Variants in TTL observed in about 807,000 individuals in gnomAD.
TTL encodes the protein tubulin tyrosine ligase.
Under a neutral mutation model 41.1 loss-of-function variants are expected in TTL, and 10 were observed. The observed-to-expected ratio is 0.24, with a 90% CI of 0.15 to 0.41. The LOEUF is 0.41. TTL is among the 10% of genes least tolerant of loss of function. The pLI is 1.00. For synonymous variants in TTL, 175 were observed against 175.5 expected (o/e 1.00, Z 0.02); for missense variants, 367 against 460.4 (o/e 0.80, Z 1.86).
intron 3 of TTL, among the ~76,000 whole-genome samples, chr2:112,497,827 C>G (rs1036389368): frequency 3.3e-5 from 5 of 152,126 alleles, no homozygotes; most frequent in African/African-American, 1.2e-4. Context: ...AGCTATAAAT[C>G]TAAAGCATAG....
rs1489267454 is a variant in TTL at position 112,539,938 on chromosome 2, A to G, written c.*11143A>G. 1 of 152,270 alleles carries G rather than the reference A, an allele frequency of 6.6e-6. No homozygotes were observed. Among genetic ancestry groups the G allele is most frequent in the African/African-American group, 2.4e-5 (1 of 41,476 alleles). 9.4% of individuals were successfully genotyped at this position (152,270 alleles called of 1,614,324 possible). A position where few individuals can be genotyped will look rare whatever the true frequency, so the allele number is the denominator to read the frequency against. On this transcript the variant is annotated 3_prime_UTR_variant, in exon 7 of 7. Transcript: ENST00000233336. The stretch of plus-strand genomic sequence containing the variant: ...ATATCAACACCAAAAAGAATGAAAT[A>G]CTTAGGAATAAATTTAACAAAAGTT...
At chr2:112,522,260 C>T (rs1489666207) in intron 6 of TTL, 1 of 152,590 alleles carries the variant, frequency 6.6e-6, no homozygotes, top group East Asian at 1.9e-4. Flanking sequence ...GTCTTCTATT[C>T]CTCTGTTCCC....
chr2:112,526,873 T>A (rs1249922878), intron 6 of TTL, among the ~76,000 whole-genome samples: 3 of 152,240 alleles, frequency 2.0e-5, no homozygotes, highest in African/African-American at 7.2e-5. Context: ...CTTTTAATTG[T>A]GAAGTTAGGG....
rs938153803 is a variant in TTL at position 112,534,654 on chromosome 2, A to C, written c.*5859A>C. The C allele has an allele frequency of 1.3e-5, 2 of 152,248 alleles. No homozygotes were observed. The highest frequency in any genetic ancestry group is 4.8e-5 in the African/African-American group (2 of 41,466). 9.4% of individuals were successfully genotyped at this position (152,248 alleles called of 1,614,324 possible). A position where few individuals can be genotyped will look rare whatever the true frequency, so the allele number is the denominator to read the frequency against. On this transcript the variant is annotated 3_prime_UTR_variant, in exon 7 of 7. Transcript: ENST00000233336. ...TTTTCCCTGGGTGCATTTGTCAAAA[A>C]AAATCAACAGCAATTGTTGAACATC...
intron 2 of TTL, among the ~76,000 whole-genome samples, chr2:112,489,927 A>G (rs1681335058): frequency 6.6e-6 from 1 of 152,228 alleles, no homozygotes. Flanking sequence ...TTTTATTTTC[A>G]AGAAAATCTG....
chr2:112,496,721 T>C (rs1681541456), intron 3 of TTL, among the ~76,000 whole-genome samples: 1 of 148,922 alleles, frequency 6.7e-6, no homozygotes, highest in African/African-American at 2.5e-5. Context: ...TTTTTTTTTT[T>C]TTTTGAGACA....
rs1401902141 is a variant in TTL at position 112,482,859 on chromosome 2, GGGCGCGGCTCC to G, written c.157+360_157+370del. Among the ~76,000 whole-genome samples the G allele has an allele frequency of 6.6e-6, 1 of 152,142 alleles. No homozygotes were observed. The highest frequency in any genetic ancestry group is 1.5e-5 in the Non-Finnish European group (1 of 68,024). The stretch of plus-strand genomic sequence containing the variant: ...CCAGATTTGGCGGGTCCGCCGCGCT[GGGCGCGGCTCC>G]GCAGAGCGGGCGGCTGGAGTCATCT... On this transcript the variant is annotated intron_variant, in intron 1 of 6. Transcript: ENST00000233336. This position sits in a 1 kb window ranked among gnomAD's most constrained non-coding sequence, Gnocchi z 5.3.
chr2:112,488,545 G>A (rs907340633), intron 2 of TTL, among the ~76,000 whole-genome samples: 8 of 149,320 alleles, frequency 5.4e-5, no homozygotes, highest in Non-Finnish European at 1.0e-4. Context: ...ATCACTTAGG[G>A]TCAGGAGTTC....
intron 3 of TTL, among the ~76,000 whole-genome samples, chr2:112,496,625 CTTTT>C (rs1681530907): frequency 8.7e-6 from 1 of 114,608 alleles, no homozygotes; most frequent in African/African-American, 3.4e-5. Context: ...ACCCTTGTTT[CTTTT>C]TTAATTTTAA....
In TTL at chr2:112,531,148, T is replaced by A. The variant is rs1308860132; in HGVS notation, c.*2353T>A. 4.7e-6 allele frequency: 1 copy of A among 211,446 alleles called. No individual in the cohort carries two copies. The highest frequency in any genetic ancestry group is 9.6e-6 in the Non-Finnish European group (1 of 104,216). The allele number at this position is 211,446 out of a possible 1,614,324, so 13.1% of individuals were successfully genotyped here. A position where few individuals can be genotyped will look rare whatever the true frequency, so the allele number is the denominator to read the frequency against. ...GTGCACACCACCAAGCCTGGCTTTA[T>A]GTATTTATTTCTGTTCATGCGGAAT... On this transcript the variant is annotated 3_prime_UTR_variant, in exon 7 of 7. Transcript: ENST00000233336.
chr2:112,520,194 C>T lies in TTL; in HGVS notation c.876-88C>T, dbSNP rs147915912. ...CTGATAAGCTGATATTTGTATTCAT[C>T]TCATATAAAATCTTTCAAGCACACC... On this transcript the variant is annotated intron_variant, in intron 5 of 6. Coordinates refer to ENST00000233336, the MANE Select transcript of TTL (RefSeq NM_153712.5). 28 of 1,320,970 alleles carry T rather than the reference C, an allele frequency of 2.1e-5. No individual in the cohort carries two copies. The African/African-American group carries it at 3.5e-4, about 17-fold the overall frequency. The allele number at this position is 1,320,970 out of a possible 1,614,324, so 81.8% of individuals were successfully genotyped here.
At position 112,537,693 on chromosome 2, in the gene TTL, A is replaced by G. The variant is rs1574078854; in HGVS notation, c.*8898A>G. On this transcript the variant is annotated 3_prime_UTR_variant, in exon 7 of 7. Coordinates refer to ENST00000233336, the MANE Select transcript of TTL (RefSeq NM_153712.5). ...TTAGGAAAATATGACAATTATAAAC[A>G]TATGTACCTAGCAATACAGCCTAAA... The G allele has an allele frequency of 2.0e-5, 3 of 152,246 alleles. No homozygotes were observed. Among genetic ancestry groups the G allele is most frequent in the Admixed American group, 1.3e-4 (2 of 15,286 alleles). The allele number at this position is 152,246 out of a possible 1,614,324, so 9.4% of individuals were successfully genotyped here.
intron 5 of TTL, among the ~76,000 whole-genome samples, chr2:112,509,536 G>A (rs750217846): frequency 5.3e-5 from 8 of 152,204 alleles, no homozygotes; most frequent in Non-Finnish European, 1.2e-4. Flanking sequence ...TTCTTAAGCC[G>A]GTCTGAAAAG....
intron 5 of TTL, 49 bp downstream of exon 5, chr2:112,503,230 T>A (rs1436632096): frequency 1.4e-6 from 2 of 1,480,698 alleles, no homozygotes; most frequent in East Asian, 4.6e-5. Flanking sequence ...TTGAAGGAGC[T>A]TTGGCGTCTA....
intron 4 of TTL, among the ~76,000 whole-genome samples, chr2:112,501,866 CAAAA>C (rs67074839): frequency 0.41 from 56,710 of 138,414 alleles, 10,862 homozygotes; most frequent in East Asian, 0.58. Flanking sequence ...ACTCCTGTGT[CAAAA>C]AAAAAAAAAA....
intron 5 of TTL, among the ~76,000 whole-genome samples, chr2:112,510,792 A>G (rs1368590214): frequency 6.6e-6 from 1 of 152,100 alleles, no homozygotes; most frequent in East Asian, 1.9e-4. Flanking sequence ...TGCTGTTTTC[A>G]TTTCCATTTT....
intron 2 of TTL, among the ~76,000 whole-genome samples, chr2:112,492,815 C>T (rs1332923698): frequency 3.3e-5 from 5 of 152,082 alleles, no homozygotes; most frequent in South Asian, 2.1e-4. Flanking sequence ...GTTTTCAACC[C>T]GGGAGGTAGA....
chr2:112,489,174 A>G (rs192210751), intron 2 of TTL, among the ~76,000 whole-genome samples: 2 of 152,368 alleles, frequency 1.3e-5, no homozygotes, highest in African/African-American at 2.4e-5. Context: ...CATGTAATTA[A>G]TATAAAAAGC....
At chr2:112,527,660 C>T (rs376187003) in intron 6 of TTL, among the ~76,000 whole-genome samples, 2 of 152,160 alleles carry the variant, frequency 1.3e-5, no homozygotes, top group African/African-American at 4.8e-5. Flanking sequence ...TTTCCATTTG[C>T]TTGGTAGATC....
Sources: gnomAD v4.1 joint callset for allele counts (sites outside exome capture counted in the v4.1 genomes callset) on GRCh38, gnomAD v4.1.1 for gene constraint, Gnocchi (gnomAD v3.1) non-coding constraint, MANE v1.5 for transcripts, NCBI Gene and HGNC (gene_info 2026-07-23, HGNC 2026-07-21) for gene names.